Variants in SLC25A21 observed in about 807,000 individuals in gnomAD.
SLC25A21 encodes the protein solute carrier family 25 member 21.
A neutral mutation model predicts 43.8 loss-of-function variants in SLC25A21; 47 were observed. That is an observed-to-expected ratio of 1.07 (90% CI 0.85 to 1.37). The LOEUF is 1.37. Ranked by LOEUF, SLC25A21 falls within the 40% of genes most tolerant of loss-of-function variation. SLC25A21 has a pLI of 0.00. For missense variants in SLC25A21, 352 were observed against 350.2 expected, an observed-to-expected ratio of 1.00 and a Z score of -0.04; for synonymous variants, 131 against 121.3, an observed-to-expected ratio of 1.08 and a Z score of -0.52.
chr14:36,798,452 A>AT (rs1394565207), intron 3 of SLC25A21, among the ~76,000 whole-genome samples: 3 of 151,838 alleles, frequency 2.0e-5, no homozygotes, highest in Non-Finnish European at 4.4e-5. Flanking sequence ...TTTCAGAAGG[A>AT]TTTTTTCCAC....
intron 2 of SLC25A21, among the ~76,000 whole-genome samples, chr14:36,840,357 A>G (rs1350840570): frequency 6.6e-6 from 1 of 152,198 alleles, no homozygotes; most frequent in African/African-American, 2.4e-5. Flanking sequence ...TCAACCACAA[A>G]TATATTTGTC....
At chr14:36,715,290 A>T (rs1476932775) in intron 6 of SLC25A21, among the ~76,000 whole-genome samples, 1 of 152,234 alleles carries the variant, frequency 6.6e-6, no homozygotes, top group Non-Finnish European at 1.5e-5. Context: ...TTTCACACAT[A>T]TGTAAGCAAA....
chr14:36,856,395 T>C (rs1889898737), intron 2 of SLC25A21, among the ~76,000 whole-genome samples: 1 of 152,146 alleles, frequency 6.6e-6, no homozygotes, highest in Non-Finnish European at 1.5e-5. Context: ...ATCTCGAGCA[T>C]TAAGTCCCAG....
chr14:36,811,872 G>T (rs1566637747), intron 3 of SLC25A21, among the ~76,000 whole-genome samples: 3 of 152,108 alleles, frequency 2.0e-5, no homozygotes, highest in Non-Finnish European at 2.9e-5. Flanking sequence ...CTTGGGGTTA[G>T]AGAATTTTTT....
intron 4 of SLC25A21, among the ~76,000 whole-genome samples, chr14:36,733,320 G>A (rs559472522): frequency 2.6e-5 from 4 of 152,168 alleles, no homozygotes; most frequent in African/African-American, 9.6e-5. Flanking sequence ...TGTCTACTTT[G>A]GTGAACTTAT....
At chr14:36,725,523 A>AT in intron 6 of SLC25A21, 47 bp downstream of exon 6, 4 of 736,944 alleles carry the variant, frequency 5.4e-6, no homozygotes, top group Non-Finnish European at 5.8e-6. Flanking sequence ...AAATAAATAA[A>AT]TAAATTTTTA....
chr14:36,753,977 G>A (rs543146116), intron 3 of SLC25A21, among the ~76,000 whole-genome samples: 23 of 151,380 alleles, frequency 1.5e-4, no homozygotes, highest in South Asian at 6.3e-4. Flanking sequence ...GAGAAAAAGC[G>A]AGCAGATCAA....
intron 1 of SLC25A21, among the ~76,000 whole-genome samples, chr14:37,086,317 T>C (rs565195497): frequency 1.3e-5 from 2 of 152,260 alleles, no homozygotes; most frequent in South Asian, 4.1e-4. Context: ...TCACACATGG[T>C]ATAAACTTGA....
At chr14:37,023,452 A>G (rs1251635661) in intron 1 of SLC25A21, among the ~76,000 whole-genome samples, 3 of 151,962 alleles carry the variant, frequency 2.0e-5, no homozygotes, top group African/African-American at 7.2e-5. Context: ...GAAAGATCCA[A>G]TTTCCTTGTA....
chr14:37,132,007 T>C (rs60853724), intron 1 of SLC25A21, among the ~76,000 whole-genome samples: 3,764 of 152,266 alleles, frequency 0.025, 127 homozygotes, highest in Admixed American at 0.093. Flanking sequence ...AGAAATTTAT[T>C]TCTCACAGTT....
chr14:37,172,204 C>T lies in SLC25A21; in HGVS notation c.70+77G>A, dbSNP rs1964143969. ...GAGGGCAGAACTTCAGTAAGGAGAC[C>T]TGTCTGGGCAACGGTTTCAGGACAC... On this transcript the variant is annotated intron_variant, in intron 1 of 9. Coordinates refer to ENST00000331299, the MANE Select transcript of SLC25A21 (RefSeq NM_030631.4). 7.8e-6 allele frequency: 11 copies of T among 1,418,580 alleles called. No individual in the cohort carries two copies. The South Asian group carries it at 1.5e-4, about 19-fold the overall frequency. 87.9% of individuals were successfully genotyped at this position (1,418,580 alleles called of 1,614,324 possible).
At chr14:36,764,326 CT>C (rs1886317879) in intron 3 of SLC25A21, among the ~76,000 whole-genome samples, 1 of 151,736 alleles carries the variant, frequency 6.6e-6, no homozygotes, top group Non-Finnish European at 1.5e-5. Flanking sequence ...GATGGCTCCC[CT>C]GGCCCAGCCC....
At chr14:36,857,808 G>C (rs1889945296) in intron 2 of SLC25A21, among the ~76,000 whole-genome samples, 1 of 152,242 alleles carries the variant, frequency 6.6e-6, no homozygotes, top group African/African-American at 2.4e-5. Flanking sequence ...CAGGCCTGAA[G>C]ATGGGCGGGC....
intron 1 of SLC25A21, among the ~76,000 whole-genome samples, chr14:37,151,532 A>T (rs1443960518): frequency 4.6e-5 from 7 of 152,212 alleles, no homozygotes. Context: ...TTCAAGAAAA[A>T]GCTGTGGTAT....
chr14:36,905,140 C>A (rs888240576), intron 1 of SLC25A21, among the ~76,000 whole-genome samples: 9 of 152,156 alleles, frequency 5.9e-5, no homozygotes, highest in African/African-American at 2.2e-4. Flanking sequence ...ATTACCTTGA[C>A]CTATGAAAGA....
At chr14:36,733,039 A>C (rs1268469050) in intron 4 of SLC25A21, among the ~76,000 whole-genome samples, 1 of 152,118 alleles carries the variant, frequency 6.6e-6, no homozygotes, top group Non-Finnish European at 1.5e-5. Flanking sequence ...AAGCTCAACT[A>C]TTTTTTTCTG....
chr14:37,122,769 T>G (rs2138893740), intron 1 of SLC25A21, among the ~76,000 whole-genome samples: 1 of 152,350 alleles, frequency 6.6e-6, no homozygotes, highest in African/African-American at 2.4e-5. Context: ...CCATGATCAC[T>G]AACAGTGGTC....
chr14:37,075,543 G>T (rs1240562246), intron 1 of SLC25A21, among the ~76,000 whole-genome samples: 1 of 151,950 alleles, frequency 6.6e-6, no homozygotes, highest in Admixed American at 6.6e-5. Flanking sequence ...AGAGTGACGG[G>T]GGAAGGAGGG....
intron 2 of SLC25A21, among the ~76,000 whole-genome samples, chr14:36,828,219 G>C (rs848061): frequency 0.96 from 145,865 of 152,068 alleles, 70,250 homozygotes; most frequent in East Asian, 1. Context: ...TCCCTTTTTT[G>C]TCATATAAAG....
Sources: allele counts gnomAD v4.1 joint callset (sites outside exome capture counted in the v4.1 genomes callset), GRCh38; gene constraint gnomAD v4.1.1; transcripts MANE v1.5; gene names NCBI Gene and HGNC (gene_info 2026-07-23, HGNC 2026-07-21).